Variants in MCCC1 observed in about 807,000 individuals in gnomAD.
MCCC1 encodes methylcrotonoyl-CoA carboxylase subunit alpha, mitochondrial.
MCCC1 carries 64 observed loss-of-function variants against 83.8 expected under a neutral mutation model. That is an observed-to-expected ratio of 0.76 (90% CI 0.62 to 0.94). The LOEUF is 0.94. Ranked by LOEUF, MCCC1 falls within the 40% of genes least tolerant of loss-of-function variation. MCCC1 has a pLI of 0.00. For synonymous variants in MCCC1, 322 were observed against 315.4 expected, an observed-to-expected ratio of 1.02 and a Z score of -0.22; for missense variants, 807 against 904.7, an observed-to-expected ratio of 0.89 and a Z score of 1.39.
intron 17 of MCCC1, chr3:183,017,859 CAAATCAGAGGCCTACAGGT>C: frequency 9.8e-6 from 1 of 102,346 alleles, no homozygotes. Context: ...ATGCACTGGT[CAAATCAGAGGCCTACAGGT>C]CAAATGTACT....
intron 1 of MCCC1, 198 bp downstream of exon 1, chr3:183,099,154 G>A (rs925484213): frequency 3.2e-6 from 2 of 626,716 alleles, no homozygotes; most frequent in Non-Finnish European, 5.6e-6. Flanking sequence ...GCGGAAGCGG[G>A]GAGAAAGGGA....
At chr3:183,097,921 T>A (rs1375904254) in intron 1 of MCCC1, among the ~76,000 whole-genome samples, 2 of 152,162 alleles carry the variant, frequency 1.3e-5, no homozygotes, top group Non-Finnish European at 2.9e-5. Context: ...TTTATTTTTT[T>A]ATTTTTTATT....
At chr3:183,082,732 C>T (rs927346830) in intron 4 of MCCC1, among the ~76,000 whole-genome samples, 1 of 152,170 alleles carries the variant, frequency 6.6e-6, no homozygotes, top group Non-Finnish European at 1.5e-5. Flanking sequence ...AACGCCAACA[C>T]GTAGGCAGGC....
At chr3:183,039,213 T>C (rs1577270783) in intron 11 of MCCC1, 78 bp from the exon 12 acceptor site, 2 of 1,341,676 alleles carry the variant, frequency 1.5e-6, no homozygotes, top group Non-Finnish European at 2.1e-6. Context: ...CATTTTGTTA[T>C]GTACATTTCA....
chr3:183,037,164 C>A, intron 13 of MCCC1, 54 bp downstream of exon 13: 1 of 1,545,280 alleles, frequency 6.5e-7, no homozygotes, highest in South Asian at 1.1e-5. Flanking sequence ...AAAGCATGTT[C>A]AATGATGATT....
chr3:183,050,552 A>G (rs1197320865), intron 9 of MCCC1, among the ~76,000 whole-genome samples: 1 of 151,912 alleles, frequency 6.6e-6, no homozygotes, highest in African/African-American at 2.4e-5. Context: ...AAAATGCAAA[A>G]AAGTAGCTGG....
intron 1 of MCCC1, among the ~76,000 whole-genome samples, chr3:183,111,487 A>G (rs1418336341): frequency 2.0e-5 from 3 of 152,122 alleles, no homozygotes; most frequent in Non-Finnish European, 4.4e-5. Context: ...TTTAGTAGAC[A>G]TGGGGTTTTG....
At chr3:183,026,221 T>C (rs1253237700) in intron 14 of MCCC1, among the ~76,000 whole-genome samples, 1 of 152,076 alleles carries the variant, frequency 6.6e-6, no homozygotes, top group Non-Finnish European at 1.5e-5. Context: ...TTTGATTTTT[T>C]TGTAGAGATG....
intron 8 of MCCC1, 69 bp from the exon 9 acceptor site, chr3:183,052,309 A>C: frequency 7.3e-7 from 1 of 1,367,564 alleles, no homozygotes; most frequent in Non-Finnish European, 1.0e-6. Flanking sequence ...TTAAAATTCA[A>C]TTCAGTCAGG....
chr3:183,032,646 G>A (rs1370860710), intron 14 of MCCC1, among the ~76,000 whole-genome samples: 1 of 152,160 alleles, frequency 6.6e-6, no homozygotes, highest in Admixed American at 6.5e-5. Context: ...AGGCTGAGGT[G>A]AGTGGATCAT....
intron 4 of MCCC1, among the ~76,000 whole-genome samples, chr3:183,083,335 C>A (rs1404159866): frequency 6.6e-6 from 1 of 152,104 alleles, no homozygotes; most frequent in Non-Finnish European, 1.5e-5. Context: ...CAGGTCTGCC[C>A]CAAAGAGCTA....
intron 4 of MCCC1, 139 bp downstream of exon 4, chr3:183,086,554 C>G: frequency 1.3e-6 from 1 of 759,520 alleles, no homozygotes. Context: ...ATGGGACATG[C>G]CTAGTTTACA....
chr3:183,098,822 A>G (rs1718929016), intron 1 of MCCC1: 1 of 163,610 alleles, frequency 6.1e-6, no homozygotes, highest in Admixed American at 5.8e-5. Context: ...CTTCTTGACA[A>G]CTTCACTCTT....
At chr3:183,099,694 C>T, upstream of MCCC1, 1 of 587,222 alleles carries the variant, frequency 1.7e-6, no homozygotes, top group Non-Finnish European at 3.0e-6. Flanking sequence ...GTTTCTGCGT[C>T]CCCTGGGGCC....
intron 3 of MCCC1, among the ~76,000 whole-genome samples, chr3:183,089,366 T>C (rs1024311884): frequency 5.9e-5 from 9 of 151,980 alleles, no homozygotes; most frequent in Admixed American, 2.0e-4. Context: ...CAAGAGGTGA[T>C]AGTGGGGCTG....
intron 14 of MCCC1, among the ~76,000 whole-genome samples, chr3:183,031,816 T>A (rs951476779): frequency 1.3e-5 from 2 of 151,366 alleles, no homozygotes; most frequent in African/African-American, 4.8e-5. Flanking sequence ...ATCTTTTTTT[T>A]TTTTTTTCCT....
chr3:183,023,506 A>G (rs1399872701), intron 15 of MCCC1, among the ~76,000 whole-genome samples: 1 of 152,220 alleles, frequency 6.6e-6, no homozygotes, highest in Non-Finnish European at 1.5e-5. Context: ...TAGTTCCATG[A>G]GCAGATTAGA....
At chr3:183,037,564 G>T in intron 12 of MCCC1, 130 bp from the exon 13 acceptor site, 2 of 801,098 alleles carry the variant, frequency 2.5e-6, no homozygotes, top group Non-Finnish European at 2.1e-6. Flanking sequence ...ACCTACTAAG[G>T]TACCATGTGG....
At position 183,038,963 on chromosome 3, in the gene MCCC1, A is replaced by T. The variant is rs942932282; in HGVS notation, c.1377+63T>A. ...CGAGACCAAGGCCCTGCCAAAGACAAAGGCTGACCTCTGGTGCTGACCAAA... is the reference window on the plus strand; with the variant it reads ...CGAGACCAAGGCCCTGCCAAAGACATAGGCTGACCTCTGGTGCTGACCAAA... On this transcript the variant is annotated intron_variant, in intron 12 of 18. Transcript: ENST00000265594. The T allele has an allele frequency of 1.6e-4, 226 of 1,448,996 alleles. 4 individuals carry two copies. In the South Asian group the frequency reaches 2.3e-3, roughly 15 times the overall value. 89.8% of individuals were successfully genotyped at this position (1,448,996 alleles called of 1,614,324 possible). A position where few individuals can be genotyped will look rare whatever the true frequency, so the allele number is the denominator to read the frequency against.
Sources: gnomAD v4.1 joint callset for allele counts (sites outside exome capture counted in the v4.1 genomes callset) on GRCh38, gnomAD v4.1.1 for gene constraint, MANE v1.5 for transcripts, NCBI Gene and HGNC (gene_info 2026-07-23, HGNC 2026-07-21) for gene names.